Variants in CCDC171 observed in about 807,000 individuals in gnomAD.
CCDC171 encodes the protein coiled-coil domain-containing protein 171.
Under a neutral mutation model 168.2 loss-of-function variants are expected in CCDC171, and 177 were observed. The ratio of observed to expected loss-of-function variants is 1.05; its 90% CI spans 0.93 to 1.19. CCDC171 has a LOEUF of 1.19. Ranked by LOEUF, CCDC171 falls within the 50% of genes most tolerant of loss-of-function variation. CCDC171 has a pLI of 0.00. For missense variants in CCDC171, 1,991 were observed against 1,539.0 expected, an observed-to-expected ratio of 1.29 and a Z score of -4.91; for synonymous variants, 687 against 540.8, an observed-to-expected ratio of 1.27 and a Z score of -3.75.
intron 6 of CCDC171, among the ~76,000 whole-genome samples, chr9:16,030,105 G>C (rs1833342339): frequency 6.6e-6 from 1 of 152,174 alleles, no homozygotes. Context: ...TTCATAAGGA[G>C]AGAGCCCTCA....
intron 3 of CCDC171, among the ~76,000 whole-genome samples, chr9:15,997,253 G>T (rs1298281932): frequency 6.6e-6 from 1 of 152,138 alleles, no homozygotes; most frequent in Non-Finnish European, 1.5e-5. Flanking sequence ...GAGCTCTAGA[G>T]CAAAGACTGC....
At chr9:15,742,732 G>A (rs138807336) in intron 16 of CCDC171, among the ~76,000 whole-genome samples, 56 of 152,270 alleles carry the variant, frequency 3.7e-4, no homozygotes, top group African/African-American at 1.3e-3. Context: ...CTCTATCATA[G>A]CATTATACCA....
At chr9:15,562,705 T>C (rs1184815427) in intron 1 of CCDC171, among the ~76,000 whole-genome samples, 1 of 152,204 alleles carries the variant, frequency 6.6e-6, no homozygotes, top group Admixed American at 6.5e-5. Context: ...TGCATATGTG[T>C]ATTTAAGCTT....
chr9:15,961,142 C>G (rs907678169), intron 25 of CCDC171, among the ~76,000 whole-genome samples: 7 of 152,150 alleles, frequency 4.6e-5, no homozygotes, highest in Non-Finnish European at 1.0e-4. Context: ...ACTTTAAATT[C>G]TAAATGATTC....
chr9:16,002,955 C>T (rs893358798), intron 3 of CCDC171, among the ~76,000 whole-genome samples: 6 of 152,174 alleles, frequency 3.9e-5, no homozygotes, highest in African/African-American at 4.8e-5. Context: ...ATGGCTATAC[C>T]GTCTAGGTTT....
chr9:15,667,796 T>C (rs2048837802), intron 9 of CCDC171, among the ~76,000 whole-genome samples: 1 of 152,210 alleles, frequency 6.6e-6, no homozygotes, highest in Admixed American at 6.5e-5. Context: ...AAACTGTTTG[T>C]TTCTTTAATT....
the CCDC171 span, among the ~76,000 whole-genome samples, chr9:16,094,428 G>C: frequency 1.3e-5 from 2 of 152,136 alleles, no homozygotes; most frequent in Non-Finnish European, 2.9e-5. Flanking sequence ...GAGGGGAAAA[G>C]GGTTTAAACT....
At chr9:15,645,502 A>T (rs2046967435) in intron 7 of CCDC171, among the ~76,000 whole-genome samples, 1 of 152,310 alleles carries the variant, frequency 6.6e-6, no homozygotes, top group African/African-American at 2.4e-5. Context: ...ATGTTGAAAA[A>T]AGGTTGGACG....
chr9:15,625,196 T>A (rs2044957098), intron 7 of CCDC171, among the ~76,000 whole-genome samples: 2 of 152,262 alleles, frequency 1.3e-5, no homozygotes, highest in East Asian at 1.9e-4. Context: ...GTTTAAGTTC[T>A]TTGTAGATTC....
At chr9:15,649,111 G>C (rs889055546) in intron 7 of CCDC171, among the ~76,000 whole-genome samples, 1 of 152,126 alleles carries the variant, frequency 6.6e-6, no homozygotes, top group Non-Finnish European at 1.5e-5. Context: ...ACAACCATCT[G>C]ATCTTTGACA....
chr9:15,978,031 T>C (rs576696250), downstream of CCDC171, among the ~76,000 whole-genome samples: 2 of 152,316 alleles, frequency 1.3e-5, no homozygotes, highest in African/African-American at 4.8e-5. Context: ...AGTTTACTTC[T>C]GGTTTAAAAG....
At chr9:16,089,583 G>A in the CCDC171 span, among the ~76,000 whole-genome samples, 5 of 151,884 alleles carry the variant, frequency 3.3e-5, no homozygotes, top group East Asian at 9.9e-4. Context: ...TCCAGTTTCA[G>A]TTTTCTGCAC....
chr9:15,871,292 C>T (rs928793457), intron 23 of CCDC171, among the ~76,000 whole-genome samples: 1 of 151,472 alleles, frequency 6.6e-6, no homozygotes, highest in African/African-American at 2.4e-5. Flanking sequence ...ATGTATTAGT[C>T]ATATTGATAA....
the CCDC171 span, among the ~76,000 whole-genome samples, chr9:16,074,358 A>T: frequency 6.6e-6 from 1 of 152,226 alleles, no homozygotes; most frequent in African/African-American, 2.4e-5. Flanking sequence ...GAGTGGGCAG[A>T]GACAGAGTTA....
At chr9:16,095,899 T>TATATATATATATATAC in the CCDC171 span, among the ~76,000 whole-genome samples, 3 of 140,202 alleles carry the variant, frequency 2.1e-5, no homozygotes, top group African/African-American at 8.2e-5. Context: ...TATATATATA[T>TATATATATATATATAC]ACTGCCTCCA....
chr9:15,934,244 A>G (rs1010642042), intron 25 of CCDC171, among the ~76,000 whole-genome samples: 1 of 151,538 alleles, frequency 6.6e-6, no homozygotes, highest in Non-Finnish European at 1.5e-5. Flanking sequence ...AAAAAGATTA[A>G]CTGGGCGTGT....
At chr9:15,626,653 A>G (rs1007719552) in intron 7 of CCDC171, among the ~76,000 whole-genome samples, 3 of 152,206 alleles carry the variant, frequency 2.0e-5, no homozygotes, top group Non-Finnish European at 4.4e-5. Flanking sequence ...TTTGCATCCC[A>G]GGGATGAAGC....
chr9:15,695,473 C>T, intron 11 of CCDC171, 136 bp downstream of exon 11: 2 of 692,268 alleles, frequency 2.9e-6, no homozygotes, highest in Non-Finnish European at 2.6e-6. Context: ...GAGCAGTTCT[C>T]ACAGCAGTCA....
At chr9:15,881,216 T>G (rs550272877) in intron 24 of CCDC171, among the ~76,000 whole-genome samples, 1 of 152,310 alleles carries the variant, frequency 6.6e-6, no homozygotes, top group Admixed American at 6.5e-5. Context: ...GAACTAAAAT[T>G]TCTTCAAAAT....
Sources: gnomAD v4.1 joint callset for allele counts (sites outside exome capture counted in the v4.1 genomes callset) on GRCh38, gnomAD v4.1.1 for gene constraint, MANE v1.5 for transcripts, NCBI Gene and HGNC (gene_info 2026-07-23, HGNC 2026-07-21) for gene names.